ROBO2: variants seen among roughly 807,000 people sequenced by gnomAD.
ROBO2 encodes the protein roundabout homolog 2.
A neutral mutation model predicts 160.8 loss-of-function variants in ROBO2; 53 were observed. That is an observed-to-expected ratio of 0.33 (90% CI 0.26 to 0.41). The LOEUF is 0.41. Ranked by LOEUF, ROBO2 falls within the 10% of genes least tolerant of loss-of-function variation. ROBO2 has a pLI of 1.00. For synonymous variants in ROBO2, 664 were observed against 611.7 expected (o/e 1.09, Z -1.26); for missense variants, 1,577 against 1,722.4 (o/e 0.92, Z 1.49).
chr3:77,137,257 G>C (rs1158008900), intron 2 of ROBO2, among the ~76,000 whole-genome samples: 1 of 151,948 alleles, frequency 6.6e-6, no homozygotes, highest in African/African-American at 2.4e-5. Flanking sequence ...ACAGGGTTTT[G>C]CTCTTGTTGC....
At chr3:77,510,149 G>T (rs2089194144) in intron 5 of ROBO2, among the ~76,000 whole-genome samples, 1 of 152,024 alleles carries the variant, frequency 6.6e-6, no homozygotes, top group South Asian at 2.1e-4. Flanking sequence ...GAGCCCTCCA[G>T]AGAGCCAGTC....
chr3:76,117,174 G>T (rs1442544900), intron 2 of ROBO2, among the ~76,000 whole-genome samples: 1 of 152,144 alleles, frequency 6.6e-6, no homozygotes. Context: ...AGCTCCACAG[G>T]TAAGATGTGT....
At chr3:77,424,477 C>T (rs2077998542) in intron 2 of ROBO2, among the ~76,000 whole-genome samples, 1 of 152,106 alleles carries the variant, frequency 6.6e-6, no homozygotes, top group African/African-American at 2.4e-5. Context: ...ATTCTGGAGA[C>T]TATTCCTTTG....
At chr3:76,461,136 G>T (rs2078062736) in intron 2 of ROBO2, among the ~76,000 whole-genome samples, 2 of 152,176 alleles carry the variant, frequency 1.3e-5, no homozygotes, top group Admixed American at 1.3e-4. Flanking sequence ...GGGCTTCCAG[G>T]GAGGCCTCAG....
intron 2 of ROBO2, among the ~76,000 whole-genome samples, chr3:76,273,404 G>A (rs1479404306): frequency 2.0e-5 from 3 of 151,722 alleles, no homozygotes; most frequent in African/African-American, 4.8e-5. Context: ...AGAATAACAC[G>A]GAGTGGGTGT....
intron 2 of ROBO2, among the ~76,000 whole-genome samples, chr3:76,348,165 A>G (rs946746671): frequency 1.3e-5 from 2 of 151,948 alleles, no homozygotes; most frequent in Non-Finnish European, 2.9e-5. Context: ...AGTCTTCAGC[A>G]TCATCCGCCC....
intron 2 of ROBO2, among the ~76,000 whole-genome samples, chr3:77,467,423 T>C (rs1211319224): frequency 6.6e-6 from 1 of 152,160 alleles, no homozygotes; most frequent in East Asian, 1.9e-4. Flanking sequence ...GTAACACACC[T>C]ACCTGGTACC....
intron 12 of ROBO2, among the ~76,000 whole-genome samples, chr3:77,565,676 T>G (rs372175303): frequency 6.6e-6 from 1 of 152,018 alleles, no homozygotes; most frequent in Non-Finnish European, 1.5e-5. Flanking sequence ...GATGTATAAG[T>G]TTTACAACCA....
At chr3:75,969,761 TTG>T (rs1398764180) in intron 2 of ROBO2, among the ~76,000 whole-genome samples, 1 of 151,626 alleles carries the variant, frequency 6.6e-6, no homozygotes, top group Non-Finnish European at 1.5e-5. Flanking sequence ...TGACATTGAG[TTG>T]TGTGAGATTT....
chr3:77,050,353 T>C (rs2065093915), intron 1 of ROBO2, among the ~76,000 whole-genome samples: 1 of 141,334 alleles, frequency 7.1e-6, no homozygotes, highest in South Asian at 2.3e-4. Context: ...TACCTTTGAA[T>C]GCCAGCAACA....
At chr3:77,372,821 AG>A (rs1407394408) in intron 2 of ROBO2, among the ~76,000 whole-genome samples, 3 of 152,038 alleles carry the variant, frequency 2.0e-5, no homozygotes. Context: ...GCAGGGATTA[AG>A]GCTTTATTAC....
intron 2 of ROBO2, among the ~76,000 whole-genome samples, chr3:77,108,175 CACATATGCATAT>C (rs1560025337): frequency 2.7e-5 from 4 of 150,684 alleles, no homozygotes; most frequent in Admixed American, 1.3e-4. Context: ...CATATGTATA[CACATATGCATAT>C]ATATGTATAC....
chr3:77,347,230 G>A (rs2067756118), intron 2 of ROBO2, among the ~76,000 whole-genome samples: 1 of 152,070 alleles, frequency 6.6e-6, no homozygotes, highest in South Asian at 2.1e-4. Flanking sequence ...ACACCATAAA[G>A]CTGTAAGGTT....
intron 1 of ROBO2, among the ~76,000 whole-genome samples, chr3:77,056,293 C>A (rs141014659): frequency 6.6e-6 from 1 of 152,282 alleles, no homozygotes; most frequent in East Asian, 1.9e-4. Context: ...CCCCCAACCA[C>A]CGTTTGTTAA....
intron 2 of ROBO2, among the ~76,000 whole-genome samples, chr3:76,966,108 G>A (rs2059279220): frequency 6.6e-6 from 1 of 151,588 alleles, no homozygotes; most frequent in Non-Finnish European, 1.5e-5. Context: ...TTTTAGTAGA[G>A]ACGGGGTTTC....
At chr3:76,796,739 A>T (rs1481651235) in intron 2 of ROBO2, among the ~76,000 whole-genome samples, 1 of 152,120 alleles carries the variant, frequency 6.6e-6, no homozygotes, top group East Asian at 1.9e-4. Flanking sequence ...GTAGACTCTA[A>T]ATAAAGAGAT....
At chr3:76,938,971 C>CAAAAAAA (rs71629626) in intron 2 of ROBO2, among the ~76,000 whole-genome samples, 14 of 114,582 alleles carry the variant, frequency 1.2e-4, no homozygotes, top group South Asian at 8.1e-4. Flanking sequence ...AACTCAGTCT[C>CAAAAAAA]AAAAAAAAAA....
At chr3:76,988,069 A>T (rs551985324) in intron 2 of ROBO2, among the ~76,000 whole-genome samples, 1 of 152,326 alleles carries the variant, frequency 6.6e-6, no homozygotes, top group African/African-American at 2.4e-5. Flanking sequence ...ATTACGAGAC[A>T]AAATAAAATA....
intron 7 of ROBO2, among the ~76,000 whole-genome samples, chr3:77,547,962 G>GAC (rs1041302263): frequency 6.6e-6 from 1 of 150,814 alleles, no homozygotes; most frequent in South Asian, 2.1e-4. Context: ...CACACACTTA[G>GAC]ACACACACAC....
Sources: gnomAD v4.1 joint callset for allele counts (sites outside exome capture counted in the v4.1 genomes callset) on GRCh38, gnomAD v4.1.1 for gene constraint, MANE v1.5 for transcripts, NCBI Gene and HGNC (gene_info 2026-07-23, HGNC 2026-07-21) for gene names.